LRRC4C: variants seen among roughly 807,000 people sequenced by gnomAD.
LRRC4C encodes the protein leucine rich repeat containing 4C, also known as leucine-rich repeat-containing protein 4C.
In LRRC4C, 5 loss-of-function variants were observed where a neutral mutation model predicts 33.6. The observed-to-expected ratio is 0.15, with a 90% CI of 0.08 to 0.31. LRRC4C has a LOEUF of 0.31. Among genes scored for constraint, LRRC4C ranks in the 10% least tolerant of loss-of-function variants. The pLI is 1.00. For synonymous variants in LRRC4C, 329 were observed against 302.0 expected, an observed-to-expected ratio of 1.09 and a Z score of -0.93; for missense variants, 560 against 796.7, an observed-to-expected ratio of 0.70 and a Z score of 3.58.
intron 3 of LRRC4C, among the ~76,000 whole-genome samples, chr11:40,551,187 A>G (rs1957114451): frequency 6.6e-6 from 1 of 152,032 alleles, no homozygotes; most frequent in Non-Finnish European, 1.5e-5. Flanking sequence ...GCATTACAAG[A>G]GCTATGGTTA....
chr11:40,404,044 A>C (rs1205155322), intron 3 of LRRC4C, among the ~76,000 whole-genome samples: 1 of 152,182 alleles, frequency 6.6e-6, no homozygotes, highest in Non-Finnish European at 1.5e-5. Flanking sequence ...TGTTTGCTTA[A>C]TGAGATCAAA....
chr11:40,366,981 C>T (rs1222435377), intron 3 of LRRC4C, among the ~76,000 whole-genome samples: 1 of 152,084 alleles, frequency 6.6e-6, no homozygotes, highest in Non-Finnish European at 1.5e-5. Flanking sequence ...TATACTACAT[C>T]TGTTTCTGAG....
chr11:40,578,589 C>T (rs1289197614), intron 3 of LRRC4C, among the ~76,000 whole-genome samples: 3 of 152,054 alleles, frequency 2.0e-5, no homozygotes. Flanking sequence ...TGACTCCCTC[C>T]ACAGATAAAT....
intron 1 of LRRC4C, among the ~76,000 whole-genome samples, chr11:41,357,179 A>G (rs1395423): frequency 0.66 from 100,614 of 151,994 alleles, 33,552 homozygotes; most frequent in East Asian, 0.8. Context: ...GTAGCACTAC[A>G]TTAGTCATCA....
At chr11:40,675,001 C>T (rs1382143684) in intron 2 of LRRC4C, among the ~76,000 whole-genome samples, 6 of 152,170 alleles carry the variant, frequency 3.9e-5, no homozygotes, top group Admixed American at 1.3e-4. Context: ...CACTGAAGTA[C>T]GATTTCTACT....
chr11:41,273,734 T>C (rs956040655), intron 1 of LRRC4C, among the ~76,000 whole-genome samples: 32 of 152,292 alleles, frequency 2.1e-4, no homozygotes, highest in East Asian at 1.4e-3. Context: ...GTAGAAATCA[T>C]GTTAACCATT....
intron 3 of LRRC4C, among the ~76,000 whole-genome samples, chr11:40,575,765 A>C (rs1958165965): frequency 1.3e-5 from 2 of 152,218 alleles, no homozygotes; most frequent in Admixed American, 1.3e-4. Flanking sequence ...AAACAACAAT[A>C]ATCATGAGAA....
rs945327128 is a variant in LRRC4C at position 40,231,237 on chromosome 11, C to T, written c.-96+10282G>A. Reference sequence around the variant, plus strand: ...GAAAACAAAAAACAAACGAACTTCACGACTAGCATTCACGTTCAGATTTAC... The same window carrying T: ...GAAAACAAAAAACAAACGAACTTCATGACTAGCATTCACGTTCAGATTTAC... On this transcript the variant is annotated intron_variant, in intron 5 of 6. Transcript: ENST00000528697. Among the ~76,000 whole-genome samples the T allele has an allele frequency of 2.0e-5, 3 of 152,184 alleles. No individual in the cohort carries two copies. In the Middle Eastern group the frequency reaches 0.01, roughly 521 times the overall value.
chr11:40,682,483 T>C (rs946931183), intron 2 of LRRC4C, among the ~76,000 whole-genome samples: 2 of 152,064 alleles, frequency 1.3e-5, no homozygotes, highest in African/African-American at 4.8e-5. Context: ...CATCTAAAGA[T>C]ATCTTTGTTT....
At chr11:41,065,814 G>C (rs775800186) in intron 1 of LRRC4C, among the ~76,000 whole-genome samples, 2 of 152,152 alleles carry the variant, frequency 1.3e-5, no homozygotes, top group Non-Finnish European at 2.9e-5. Context: ...CAGACGTGCC[G>C]AAGAGGGGCC....
intron 3 of LRRC4C, among the ~76,000 whole-genome samples, chr11:40,556,497 T>A (rs1407054751): frequency 6.6e-6 from 1 of 152,220 alleles, no homozygotes; most frequent in Non-Finnish European, 1.5e-5. Context: ...TTGCCCCAAA[T>A]GACATAAATC....
intron 1 of LRRC4C, among the ~76,000 whole-genome samples, chr11:41,265,913 A>G (rs1213623771): frequency 6.6e-6 from 1 of 151,880 alleles, no homozygotes; most frequent in Non-Finnish European, 1.5e-5. Flanking sequence ...TTTAATAGTC[A>G]GTTCTCCAAC....
At chr11:40,503,373 T>C (rs1954872477) in intron 3 of LRRC4C, among the ~76,000 whole-genome samples, 1 of 152,218 alleles carries the variant, frequency 6.6e-6, no homozygotes, top group African/African-American at 2.4e-5. Context: ...TAAATATTGG[T>C]TGAATAAATG....
intron 3 of LRRC4C, among the ~76,000 whole-genome samples, chr11:40,391,386 T>C (rs1949331356): frequency 6.6e-6 from 1 of 152,180 alleles, no homozygotes. Flanking sequence ...ACCAACATCA[T>C]AATCTCTGTA....
chr11:41,123,994 T>C (rs1299582665), intron 1 of LRRC4C, among the ~76,000 whole-genome samples: 5 of 152,182 alleles, frequency 3.3e-5, no homozygotes, highest in Admixed American at 6.5e-5. Flanking sequence ...ACTTAGGCAA[T>C]TGATTTTTGA....
intron 2 of LRRC4C, among the ~76,000 whole-genome samples, chr11:40,776,816 TTAGA>T (rs1435849976): frequency 6.6e-6 from 1 of 152,144 alleles, no homozygotes; most frequent in Non-Finnish European, 1.5e-5. Flanking sequence ...AGGTGTAATA[TTAGA>T]TAGTTAATTT....
intron 1 of LRRC4C, among the ~76,000 whole-genome samples, chr11:41,162,244 C>T (rs1218244448): frequency 1.3e-5 from 2 of 152,084 alleles, no homozygotes; most frequent in African/African-American, 4.8e-5. Flanking sequence ...ATCTGACCCT[C>T]GGACTAAGCT....
At chr11:40,473,592 G>A (rs922084378) in intron 3 of LRRC4C, among the ~76,000 whole-genome samples, 4 of 152,156 alleles carry the variant, frequency 2.6e-5, no homozygotes, top group African/African-American at 9.7e-5. Context: ...GGTACTGGAA[G>A]TTCTGCCCGG....
intron 3 of LRRC4C, among the ~76,000 whole-genome samples, chr11:40,538,474 G>C (rs1167650119): frequency 4.6e-5 from 7 of 151,912 alleles, no homozygotes; most frequent in African/African-American, 1.5e-4. Flanking sequence ...ATCCTTTTTT[G>C]TGGCTGCTTA....
Sources: allele counts gnomAD v4.1 joint callset (sites outside exome capture counted in the v4.1 genomes callset), GRCh38; gene constraint gnomAD v4.1.1; transcripts MANE v1.5; gene names NCBI Gene and HGNC (gene_info 2026-07-23, HGNC 2026-07-21).